Variants in TMOD1 observed in about 807,000 individuals in gnomAD.
TMOD1 encodes the protein tropomodulin 1, also known as tropomodulin-1.
In TMOD1, 17 loss-of-function variants were observed where a neutral mutation model predicts 40.6. That is an observed-to-expected ratio of 0.42 (90% CI 0.29 to 0.63). The LOEUF is 0.63. Among genes scored for constraint, TMOD1 ranks in the 20% least tolerant of loss-of-function variants. TMOD1 has a pLI of 0.22. For missense variants in TMOD1, 391 were observed against 447.6 expected (o/e 0.87, Z 1.14); for synonymous variants, 181 against 175.0 (o/e 1.03, Z -0.27).
chr9:97,511,048 A>G (rs1829687413), intron 1 of TMOD1, among the ~76,000 whole-genome samples: 1 of 150,046 alleles, frequency 6.7e-6, no homozygotes, highest in Admixed American at 6.7e-5. Flanking sequence ...GAGATGCAAA[A>G]TGAAAACATG....
intron 1 of TMOD1, among the ~76,000 whole-genome samples, chr9:97,522,250 G>A (rs1829929973): frequency 6.6e-6 from 1 of 152,152 alleles, no homozygotes; most frequent in South Asian, 2.1e-4. Context: ...GCTGCCTTCT[G>A]GTGGCTTGCT....
intron 8 of TMOD1, among the ~76,000 whole-genome samples, chr9:97,588,545 C>T (rs1014295736): frequency 1.3e-5 from 2 of 152,016 alleles, no homozygotes; most frequent in East Asian, 3.9e-4. Context: ...TTTGTGTTGT[C>T]TTTTCACTTT....
intron 5 of TMOD1, 132 bp from the exon 6 acceptor site, chr9:97,563,906 C>G (rs1367615032): frequency 8.3e-7 from 1 of 1,207,788 alleles, no homozygotes; most frequent in Non-Finnish European, 1.1e-6. Context: ...CCCCTACCCC[C>G]ACCCAGCCCC....
intron 9 of TMOD1, among the ~76,000 whole-genome samples, chr9:97,591,890 A>C (rs373901352): frequency 5.9e-5 from 9 of 152,330 alleles, no homozygotes; most frequent in African/African-American, 2.2e-4. Context: ...ATTGATTTTA[A>C]GGTAAAAGTT....
intron 8 of TMOD1, among the ~76,000 whole-genome samples, chr9:97,587,888 T>C (rs1224143331): frequency 6.6e-6 from 1 of 152,206 alleles, no homozygotes; most frequent in African/African-American, 2.4e-5. Context: ...TTTAGCATAA[T>C]GTTTTCCAGG....
rs56669574 is a variant in TMOD1 at position 97,508,057 on chromosome 9, TCACACACACACACACACACA to T, written c.-49+6283_-49+6302del. Among the ~76,000 whole-genome samples the T allele has an allele frequency of 3.4e-3, 445 of 132,076 alleles. 3 individuals are homozygous for T. Among genetic ancestry groups the T allele is most frequent in the Middle Eastern group, 7.9e-3 (2 of 254 alleles). 86.6% of individuals were successfully genotyped at this position (132,076 alleles called of 152,430 possible). On this transcript the variant is annotated intron_variant, in intron 1 of 9. Coordinates refer to ENST00000259365, the MANE Select transcript of TMOD1 (RefSeq NM_003275.4). ...ATGAAACACAATCTATCTTCCTGAT[TCACACACACACACACACACA>T]CACACACACACACACACACACACAC... is the stretch of plus-strand genomic sequence containing the variant.
chr9:97,517,582 G>A (rs892907958), intron 1 of TMOD1, among the ~76,000 whole-genome samples: 2 of 152,206 alleles, frequency 1.3e-5, no homozygotes, highest in Non-Finnish European at 2.9e-5. Flanking sequence ...CAGGGGCTCA[G>A]GAAGGGGCCT....
In TMOD1 at chr9:97,564,253, T is replaced by A. The variant is rs951306427; in HGVS notation, c.618+85T>A. 7 of 1,496,942 alleles carry A rather than the reference T, an allele frequency of 4.7e-6. No individual in the cohort carries two copies. In the African/African-American group the frequency reaches 8.4e-5, roughly 18 times the overall value. 92.7% of individuals were successfully genotyped at this position (1,496,942 alleles called of 1,614,324 possible). A position where few individuals can be genotyped will look rare whatever the true frequency, so the allele number is the denominator to read the frequency against. On this transcript the variant is annotated intron_variant, in intron 6 of 9. Transcript: ENST00000259365. ...CCAAATGCAAACGGTCCAGGGTTGG[T>A]TGTGCAGAGTAAACAGGGTCCTGTT... is the stretch of plus-strand genomic sequence containing the variant.
intron 2 of TMOD1, among the ~76,000 whole-genome samples, chr9:97,545,568 G>C (rs1830347283): frequency 6.6e-6 from 1 of 152,202 alleles, no homozygotes; most frequent in South Asian, 2.1e-4. Flanking sequence ...GAGGTTAGAA[G>C]GCAGCGGGTA....
In TMOD1 at chr9:97,599,867, T is replaced by A; in HGVS notation, c.*169T>A. 1 of 1,397,892 alleles carries A rather than the reference T, an allele frequency of 7.2e-7. No homozygotes were observed. Among genetic ancestry groups the A allele is most frequent in the Non-Finnish European group, 9.4e-7 (1 of 1,069,156 alleles). 86.6% of individuals were successfully genotyped at this position (1,397,892 alleles called of 1,614,324 possible). A position where few individuals can be genotyped will look rare whatever the true frequency, so the allele number is the denominator to read the frequency against. On this transcript the variant is annotated 3_prime_UTR_variant, in exon 10 of 10. Coordinates refer to ENST00000259365, the MANE Select transcript of TMOD1 (RefSeq NM_003275.4). ...CTAGTGGTTGTAGTTGAAAATTTTA[T>A]AAAATACCGTTAATGTGAAGTTTTT...
intron 8 of TMOD1, among the ~76,000 whole-genome samples, chr9:97,574,425 C>A (rs955213745): frequency 3.3e-5 from 5 of 152,198 alleles, no homozygotes; most frequent in African/African-American, 7.2e-5. Flanking sequence ...GGGCAGGGCT[C>A]GGGACCTGCA....
Position 97,531,033 on chromosome 9 carries a change from A to ACCCCCCCCCCCCCCCCCCCCCC in TMOD1, c.120+6728_120+6729insCCCCCCCCCCCCCCCCCCCCCC, listed in dbSNP as rs202030181. On this transcript the variant is annotated intron_variant, in intron 2 of 9. Transcript: ENST00000259365. ...GAACTCCTGACCTTAGGTGATCCAC[A>ACCCCCCCCCCCCCCCCCCCCCC]CCCACCCCCCCCACCACCCCTTGGC... Among the ~76,000 whole-genome samples, 16 of 78,256 alleles carry ACCCCCCCCCCCCCCCCCCCCCC rather than the reference A, an allele frequency of 2.0e-4. 2 individuals carry two copies. Among genetic ancestry groups the ACCCCCCCCCCCCCCCCCCCCCC allele is most frequent in the Admixed American group, 8.0e-4 (5 of 6,268 alleles). 51.3% of individuals were successfully genotyped at this position (78,256 alleles called of 152,430 possible). A position where few individuals can be genotyped will look rare whatever the true frequency, so the allele number is the denominator to read the frequency against.
At chr9:97,505,538 A>T (rs774486570) in intron 1 of TMOD1, among the ~76,000 whole-genome samples, 12 of 151,952 alleles carry the variant, frequency 7.9e-5, no homozygotes, top group Non-Finnish European at 1.8e-4. Context: ...TCCTTCATAG[A>T]CTCATCGCTG....
intron 9 of TMOD1, among the ~76,000 whole-genome samples, chr9:97,594,873 A>G (rs56164437): frequency 6.6e-6 from 1 of 152,176 alleles, no homozygotes; most frequent in Admixed American, 6.5e-5. Flanking sequence ...CAGGTCCTCT[A>G]AATCTGCCAC....
In TMOD1 at chr9:97,591,274, T is replaced by A; in HGVS notation, c.871-17T>A. 1 of 1,596,738 alleles carries A rather than the reference T, an allele frequency of 6.3e-7. No individual in the cohort carries two copies. The highest frequency in any genetic ancestry group is 8.5e-7 in the Non-Finnish European group (1 of 1,170,656). On this transcript the variant is annotated splice_polypyrimidine_tract_variant and intron_variant, in intron 8 of 9. Coordinates refer to ENST00000259365, the MANE Select transcript of TMOD1 (RefSeq NM_003275.4). ...TGGTGATTTTATTTTTTATTTTTTA[T>A]TTTTTCTTGACTAAAGAGCCAGCCC...
chr9:97,579,672 A>G (rs1339966874), intron 8 of TMOD1, among the ~76,000 whole-genome samples: 11 of 152,232 alleles, frequency 7.2e-5, no homozygotes, highest in African/African-American at 2.4e-4. Context: ...ATTTAGATGT[A>G]TAGAGCAACA....
intron 8 of TMOD1, among the ~76,000 whole-genome samples, chr9:97,581,084 G>A (rs1452299536): frequency 2.0e-5 from 3 of 146,946 alleles, no homozygotes; most frequent in Non-Finnish European, 3.0e-5. Context: ...ATGCTGGTGC[G>A]CTGCACCCAC....
At position 97,520,513 on chromosome 9, in the gene TMOD1, G is replaced by A. The variant is rs142210397; in HGVS notation, c.-48-3628G>A. Reference sequence around the variant, plus strand: ...AGGAGAATACTGCTTCGTAGCAACCGTCCTTGTGAGCCAAGTCGATGAGTG... The same window carrying A: ...AGGAGAATACTGCTTCGTAGCAACCATCCTTGTGAGCCAAGTCGATGAGTG... On this transcript the variant is annotated intron_variant, in intron 1 of 9. Transcript: ENST00000259365. 7.9e-5 allele frequency among the ~76,000 whole-genome samples: 12 copies of A among 152,170 alleles called. No homozygotes were observed. The East Asian group carries it at 1.5e-3, about 20-fold the overall frequency.
At chr9:97,593,252 AG>A (rs1257063730) in intron 9 of TMOD1, among the ~76,000 whole-genome samples, 1 of 152,170 alleles carries the variant, frequency 6.6e-6, no homozygotes, top group Non-Finnish European at 1.5e-5. Flanking sequence ...CAGGTGCTGC[AG>A]GGGGATACCA....
Sources: allele counts gnomAD v4.1 joint callset (sites outside exome capture counted in the v4.1 genomes callset), GRCh38; gene constraint gnomAD v4.1.1; transcripts MANE v1.5; gene names NCBI Gene and HGNC (gene_info 2026-07-23, HGNC 2026-07-21).